GRID2: variants seen among roughly 807,000 people sequenced by gnomAD.
GRID2 encodes the protein glutamate ionotropic receptor delta type subunit 2, also known as glutamate receptor ionotropic, delta-2.
GRID2 carries 33 observed loss-of-function variants against 114.8 expected under a neutral mutation model. The observed-to-expected ratio is 0.29, with a 90% CI of 0.22 to 0.38. GRID2 has a LOEUF of 0.38. Among genes scored for constraint, GRID2 ranks in the 10% least tolerant of loss-of-function variants. The probability of loss-of-function intolerance (pLI) is 1.00; values close to 1 mark genes in which losing one functional copy is unlikely to be tolerated. For missense variants in GRID2, 1,184 were observed against 1,257.7 expected (o/e 0.94, Z 0.89); for synonymous variants, 505 against 449.9 (o/e 1.12, Z -1.55).
chr4:93,701,440 A>T (rs1244633602), intron 14 of GRID2, among the ~76,000 whole-genome samples: 2 of 152,150 alleles, frequency 1.3e-5, no homozygotes, highest in African/African-American at 4.8e-5. Context: ...TTTCAGGCTA[A>T]TTTCTCTTCT....
At chr4:92,904,256 G>C (rs934425571) in intron 2 of GRID2, among the ~76,000 whole-genome samples, 1 of 150,506 alleles carries the variant, frequency 6.6e-6, no homozygotes, top group African/African-American at 2.4e-5. Context: ...AAAAGTTTAA[G>C]TTTCAAAGCA....
intron 1 of GRID2, among the ~76,000 whole-genome samples, chr4:92,565,663 C>A (rs930676): frequency 1.3e-5 from 2 of 151,696 alleles, no homozygotes; most frequent in Non-Finnish European, 2.9e-5. Context: ...CCTAACGCAG[C>A]GGTACAGTTC....
chr4:93,188,150 T>C (rs113766901), intron 4 of GRID2, among the ~76,000 whole-genome samples: 19 of 152,350 alleles, frequency 1.2e-4, no homozygotes, highest in African/African-American at 3.8e-4. Flanking sequence ...CACCAGACAT[T>C]GCCCTAATGG....
At chr4:93,189,749 AAAC>A (rs1312112423) in intron 4 of GRID2, among the ~76,000 whole-genome samples, 2 of 149,116 alleles carry the variant, frequency 1.3e-5, no homozygotes, top group African/African-American at 4.9e-5. Flanking sequence ...GTGTGGTACT[AAAC>A]AACAACACCA....
At chr4:93,094,583 A>T (rs1229597366) in intron 3 of GRID2, among the ~76,000 whole-genome samples, 1 of 151,990 alleles carries the variant, frequency 6.6e-6, no homozygotes, top group Non-Finnish European at 1.5e-5. Context: ...AGGTAATATA[A>T]TTTTAATGAA....
intron 2 of GRID2, among the ~76,000 whole-genome samples, chr4:92,971,754 A>G (rs1175597701): frequency 1.3e-5 from 2 of 151,764 alleles, no homozygotes; most frequent in African/African-American, 2.4e-5. Flanking sequence ...CATGAGCTCA[A>G]TTTTCTTTAG....
At chr4:92,720,333 C>A (rs2149316927) in intron 2 of GRID2, among the ~76,000 whole-genome samples, 1 of 152,090 alleles carries the variant, frequency 6.6e-6, no homozygotes, top group South Asian at 2.1e-4. Flanking sequence ...CTACAGTTTT[C>A]TTTTAAAATA....
At chr4:93,027,714 C>G (rs111869588) in intron 2 of GRID2, among the ~76,000 whole-genome samples, 8 of 151,874 alleles carry the variant, frequency 5.3e-5, no homozygotes, top group Admixed American at 5.3e-4. Flanking sequence ...ATTTAGATAA[C>G]GATATATTTA....
chr4:93,660,916 G>A (rs1419912978), intron 14 of GRID2, among the ~76,000 whole-genome samples: 1 of 151,904 alleles, frequency 6.6e-6, no homozygotes, highest in Non-Finnish European at 1.5e-5. Flanking sequence ...TAGAAAACCT[G>A]CCCAAACACT....
At position 93,417,942 on chromosome 4, in the gene GRID2, T is replaced by A. The variant is rs950858222; in HGVS notation, c.1348-4829T>A. On this transcript the variant is annotated intron_variant, in intron 9 of 15. Coordinates refer to ENST00000282020, the MANE Select transcript of GRID2 (RefSeq NM_001510.4). ...GAGCATTCTTGGATGTATAGTTTGG[T>A]GCCCAGTATTCTTTTGTATTCATAC... is the stretch of plus-strand genomic sequence containing the variant. Among the ~76,000 whole-genome samples, 5 of 150,926 alleles carry A rather than the reference T, an allele frequency of 3.3e-5. No homozygotes were observed. In the Admixed American group the frequency reaches 3.3e-4, roughly 10 times the overall value.
intron 14 of GRID2, among the ~76,000 whole-genome samples, chr4:93,689,323 C>A (rs75257133): frequency 6.6e-6 from 1 of 152,026 alleles, no homozygotes; most frequent in Non-Finnish European, 1.5e-5. Context: ...CATTTCACTT[C>A]TTCCATGGGT....
chr4:92,749,613 C>T (rs1737341559), intron 2 of GRID2, among the ~76,000 whole-genome samples: 1 of 152,046 alleles, frequency 6.6e-6, no homozygotes, highest in Non-Finnish European at 1.5e-5. Flanking sequence ...GTTTCCAAGA[C>T]AGTAGATGCG....
chr4:93,514,432 C>CACACAT (rs1286354434), intron 12 of GRID2, among the ~76,000 whole-genome samples: 1 of 137,696 alleles, frequency 7.3e-6, no homozygotes, highest in Non-Finnish European at 1.6e-5. Context: ...TACACACACA[C>CACACAT]ACACACACAC....
At chr4:93,096,888 C>T (rs1022957252) in intron 3 of GRID2, among the ~76,000 whole-genome samples, 2 of 151,918 alleles carry the variant, frequency 1.3e-5, no homozygotes, top group Admixed American at 6.6e-5. Context: ...TTCCTCATAT[C>T]CAAAACTGGA....
chr4:92,559,783 T>C (rs188989552), intron 1 of GRID2, among the ~76,000 whole-genome samples: 2 of 152,302 alleles, frequency 1.3e-5, no homozygotes, highest in East Asian at 3.9e-4. Context: ...CAGGTTTGTA[T>C]ACAAATAAGA....
At chr4:93,674,851 A>G (rs183110980) in intron 14 of GRID2, among the ~76,000 whole-genome samples, 85 of 152,268 alleles carry the variant, frequency 5.6e-4, no homozygotes, top group Non-Finnish European at 1.2e-3. Flanking sequence ...TATCTGCTAT[A>G]TAATGAAAGC....
chr4:93,068,138 C>T (rs1260832810), intron 2 of GRID2, among the ~76,000 whole-genome samples: 3 of 151,972 alleles, frequency 2.0e-5, no homozygotes, highest in Non-Finnish European at 4.4e-5. Flanking sequence ...CAAATAAATT[C>T]AAATGCATTT....
intron 2 of GRID2, among the ~76,000 whole-genome samples, chr4:92,661,190 T>C (rs989552703): frequency 2.0e-5 from 3 of 150,936 alleles, no homozygotes; most frequent in African/African-American, 7.3e-5. Flanking sequence ...TTCTTCATGA[T>C]GAAGTTAGAA....
At chr4:92,584,388 T>A (rs1217234163) in intron 1 of GRID2, among the ~76,000 whole-genome samples, 1 of 151,968 alleles carries the variant, frequency 6.6e-6, no homozygotes, top group Non-Finnish European at 1.5e-5. Flanking sequence ...AATTAAAAAC[T>A]CACTTGTGAA....
Sources: gnomAD v4.1 joint callset for allele counts (sites outside exome capture counted in the v4.1 genomes callset) on GRCh38, gnomAD v4.1.1 for gene constraint, MANE v1.5 for transcripts, NCBI Gene and HGNC (gene_info 2026-07-23, HGNC 2026-07-21) for gene names.